Variants in NTM observed in about 807,000 individuals in gnomAD.
NTM encodes the protein IgLON family member 2.
A neutral mutation model predicts 42.1 loss-of-function variants in NTM; 13 were observed. The ratio of observed to expected loss-of-function variants is 0.31; its 90% CI spans 0.20 to 0.49. NTM has a LOEUF of 0.49. Ranked by LOEUF, NTM falls within the 20% of genes least tolerant of loss-of-function variation. The pLI, the probability that NTM is intolerant of heterozygous loss-of-function variation, is 0.99. For synonymous variants in NTM, 187 were observed against 179.2 expected (o/e 1.04, Z -0.35); for missense variants, 373 against 452.8 (o/e 0.82, Z 1.60).
intron 3 of NTM, among the ~76,000 whole-genome samples, chr11:132,194,214 C>T (rs981004855): frequency 5.3e-5 from 8 of 151,994 alleles, no homozygotes; most frequent in Non-Finnish European, 1.0e-4. Flanking sequence ...TACAAAAATC[C>T]TCAGCAAAAT....
rs2068218584 is a variant in NTM, at chr11:132,137,697, G to A, written c.168-8585G>A. On this transcript the variant is annotated intron_variant, in intron 2 of 8. Transcript: ENST00000683400. ...ACTGTTAACACTTTTAGGCCTGAAG[G>A]GATAAGGGGAAGAGGTCATGGCTGC... Among the ~76,000 whole-genome samples, 4 of 152,124 alleles carry A rather than the reference G, an allele frequency of 2.6e-5. No individual in the cohort carries two copies. In the South Asian group the frequency reaches 8.3e-4, roughly 32 times the overall value.
intron 1 of NTM, among the ~76,000 whole-genome samples, chr11:131,667,566 C>T (rs1029320708): frequency 6.6e-6 from 1 of 152,156 alleles, no homozygotes; most frequent in Non-Finnish European, 1.5e-5. Flanking sequence ...CAGTGAGCTT[C>T]CCAGAACCTG....
At chr11:132,251,768 G>A (rs1045039072) in intron 4 of NTM, among the ~76,000 whole-genome samples, 9 of 152,206 alleles carry the variant, frequency 5.9e-5, no homozygotes, top group Admixed American at 4.6e-4. Context: ...TGGTACGTAT[G>A]AATGTGCCGT....
chr11:131,941,029 G>T (rs527284196), intron 2 of NTM, among the ~76,000 whole-genome samples: 11 of 152,208 alleles, frequency 7.2e-5, no homozygotes, highest in Admixed American at 7.2e-4. Flanking sequence ...ATGGCAGTGC[G>T]CATAGGGCAC....
chr11:132,107,914 C>T (rs2062617877), intron 2 of NTM, among the ~76,000 whole-genome samples: 1 of 152,184 alleles, frequency 6.6e-6, no homozygotes, highest in African/African-American at 2.4e-5. Context: ...GAATCTCTTT[C>T]ATAAATTGAT....
intron 3 of NTM, among the ~76,000 whole-genome samples, chr11:132,175,657 G>A (rs962451462): frequency 2.0e-5 from 3 of 151,406 alleles, no homozygotes; most frequent in Non-Finnish European, 2.9e-5. Flanking sequence ...GTGCAGTCTC[G>A]GCTCACTGCA....
intron 2 of NTM, among the ~76,000 whole-genome samples, chr11:132,086,075 A>T (rs972855023): frequency 1.3e-5 from 2 of 152,156 alleles, no homozygotes; most frequent in African/African-American, 4.8e-5. Flanking sequence ...CTGTAATCCC[A>T]GCACTTTGGG....
intron 4 of NTM, among the ~76,000 whole-genome samples, chr11:132,249,813 T>C (rs182490542): frequency 1.3e-5 from 2 of 152,366 alleles, no homozygotes; most frequent in East Asian, 3.9e-4. Context: ...AATCAATGTT[T>C]TTACCTTCCC....
At chr11:131,615,313 G>T in intron 1 of NTM, among the ~76,000 whole-genome samples, 1 of 152,100 alleles carries the variant, frequency 6.6e-6, no homozygotes, top group Non-Finnish European at 1.5e-5. Flanking sequence ...AAGTGAAGGG[G>T]CCTTCAAAGT....
At chr11:131,659,189 G>A (rs919476184) in intron 1 of NTM, among the ~76,000 whole-genome samples, 2 of 152,194 alleles carry the variant, frequency 1.3e-5, no homozygotes, top group African/African-American at 4.8e-5. Flanking sequence ...CAGCTCCCAG[G>A]GCAGCTGAGG....
intron 2 of NTM, among the ~76,000 whole-genome samples, chr11:131,988,590 A>C (rs1476862222): frequency 6.6e-6 from 1 of 152,196 alleles, no homozygotes; most frequent in Non-Finnish European, 1.5e-5. Flanking sequence ...GGGTTTTGTC[A>C]TCACTTCTTT....
intron 1 of NTM, among the ~76,000 whole-genome samples, chr11:131,562,472 C>T (rs536403679): frequency 3.9e-5 from 6 of 152,028 alleles, no homozygotes; most frequent in Non-Finnish European, 8.8e-5. Flanking sequence ...CTAAGCCAGG[C>T]GTGGAGGGGA....
intron 2 of NTM, among the ~76,000 whole-genome samples, chr11:132,070,426 A>G (rs2057380497): frequency 7.3e-6 from 1 of 136,388 alleles, no homozygotes; most frequent in Admixed American, 7.3e-5. Context: ...TGACCGTCAC[A>G]GGTTAGTTAA....
intron 1 of NTM, among the ~76,000 whole-genome samples, chr11:131,687,262 G>A (rs2074006449): frequency 6.6e-6 from 1 of 152,240 alleles, no homozygotes. Flanking sequence ...GTGTCAGCTG[G>A]TTGACAGCCA....
At chr11:131,692,429 C>T (rs1249375139) in intron 1 of NTM, among the ~76,000 whole-genome samples, 2 of 152,188 alleles carry the variant, frequency 1.3e-5, no homozygotes, top group African/African-American at 4.8e-5. Context: ...GATGCTGACA[C>T]AGGGCTAGCC....
chr11:132,075,425 G>C (rs1223578936), intron 2 of NTM, among the ~76,000 whole-genome samples: 1 of 152,190 alleles, frequency 6.6e-6, no homozygotes, highest in Non-Finnish European at 1.5e-5. Flanking sequence ...ACCATTAAAA[G>C]TCCTACATAC....
chr11:131,740,363 TCACA>T (rs2081032467), intron 1 of NTM, among the ~76,000 whole-genome samples: 1 of 152,174 alleles, frequency 6.6e-6, no homozygotes, highest in African/African-American at 2.4e-5. Flanking sequence ...AAATGAATAC[TCACA>T]ATGAACGCTC....
At chr11:131,501,753 G>A (rs1033685137) in intron 1 of NTM, among the ~76,000 whole-genome samples, 1 of 152,186 alleles carries the variant, frequency 6.6e-6, no homozygotes, top group East Asian at 1.9e-4. Context: ...TGGATATGGA[G>A]GGAGTTAGAG....
In NTM at chr11:131,946,219, G is replaced by A. The variant is rs10450639; in HGVS notation, c.167+34571G>A. ...GACTGGGAGATGGGGAGACGTGGGG[G>A]AATGGACTGCTGATGACTGCTTCCT... On this transcript the variant is annotated intron_variant, in intron 2 of 8. Coordinates refer to ENST00000683400, the MANE Select transcript of NTM (RefSeq NM_001352005.2). Among the ~76,000 whole-genome samples, 1,279 of 152,184 alleles carry A rather than the reference G, an allele frequency of 8.4e-3. 20 individuals carry two copies. Among genetic ancestry groups the A allele is most frequent in the African/African-American group, 0.03 (1,227 of 41,492 alleles).
Sources: allele counts gnomAD v4.1 joint callset (sites outside exome capture counted in the v4.1 genomes callset), GRCh38; gene constraint gnomAD v4.1.1; transcripts MANE v1.5; gene names NCBI Gene and HGNC (gene_info 2026-07-23, HGNC 2026-07-21).